Variants in CNBD1 observed in about 807,000 individuals in gnomAD.
CNBD1 encodes the protein cyclic nucleotide-binding domain-containing protein 1.
Under a neutral mutation model 54.4 loss-of-function variants are expected in CNBD1, and 71 were observed. The ratio of observed to expected loss-of-function variants is 1.30; its 90% CI spans 1.08 to 1.59. The LOEUF (loss-of-function observed/expected upper bound fraction) is 1.59. Ranked by LOEUF, CNBD1 falls within the 40% of genes most tolerant of loss-of-function variation. The pLI, the probability that CNBD1 is intolerant of heterozygous loss-of-function variation, is 0.00. For missense variants in CNBD1, 659 were observed against 518.0 expected, an observed-to-expected ratio of 1.27 and a Z score of -2.64; for synonymous variants, 182 against 170.7, an observed-to-expected ratio of 1.07 and a Z score of -0.51.
At chr8:87,340,533 C>A (rs1403779653) in intron 8 of CNBD1, among the ~76,000 whole-genome samples, 1 of 152,134 alleles carries the variant, frequency 6.6e-6, no homozygotes, top group African/African-American at 2.4e-5. Flanking sequence ...TCTCATAATG[C>A]ACATGTTGGT....
intron 10 of CNBD1, among the ~76,000 whole-genome samples, chr8:87,373,035 G>T (rs962312342): frequency 1.3e-5 from 2 of 151,630 alleles, no homozygotes; most frequent in African/African-American, 2.4e-5. Context: ...TATTATAGTA[G>T]TTAGATTATA....
intron 10 of CNBD1, among the ~76,000 whole-genome samples, chr8:87,378,082 A>C (rs1256886424): frequency 1.4e-5 from 2 of 141,942 alleles, no homozygotes; most frequent in Admixed American, 7.2e-5. Flanking sequence ...GGTTGCGAAA[A>C]TTTTCTCCCA....
intron 8 of CNBD1, among the ~76,000 whole-genome samples, chr8:87,339,812 T>G (rs1810028499): frequency 6.6e-6 from 1 of 151,708 alleles, no homozygotes; most frequent in Non-Finnish European, 1.5e-5. Flanking sequence ...CTCTTCTCCC[T>G]TCTCACATTT....
At chr8:87,172,185 G>T (rs1163946805) in intron 4 of CNBD1, among the ~76,000 whole-genome samples, 2 of 151,736 alleles carry the variant, frequency 1.3e-5, no homozygotes, top group Non-Finnish European at 2.9e-5. Context: ...ATAATAATAA[G>T]AATTCTTCTT....
At chr8:87,404,575 A>T (rs1374789879) in intron 2 of CNBD1, among the ~76,000 whole-genome samples, 1 of 152,076 alleles carries the variant, frequency 6.6e-6, no homozygotes, top group East Asian at 1.9e-4. Context: ...TGGTCAAATT[A>T]GTGCTAAATT....
At chr8:87,052,188 T>C (rs947479746) in intron 4 of CNBD1, among the ~76,000 whole-genome samples, 6 of 152,218 alleles carry the variant, frequency 3.9e-5, no homozygotes, top group African/African-American at 1.4e-4. Flanking sequence ...GGCCTCTTCC[T>C]GGTCCCTGTT....
rs750707982 is a variant in CNBD1 at position 87,351,771 on chromosome 8, G to C, written c.1129G>C (p.Val377Leu). The C allele has an allele frequency of 6.6e-7, 1 of 1,510,046 alleles. No homozygotes were observed. The highest frequency in any genetic ancestry group is 8.8e-7 in the Non-Finnish European group (1 of 1,134,524). 93.5% of individuals were successfully genotyped at this position (1,510,046 alleles called of 1,614,324 possible). ...CNIYRSIIGFVKLRSNKVKRS... is the reference protein window; with the variant it reads ...CNIYRSIIGFLKLRSNKVKRS... ...CATTTATAGAAGTATTATAGGATTT[G>C]TGAAACTACGATCAAATAAAGTGGT... Residue 377 changes from valine (V) to leucine (L), a missense_variant, in exon 9 of 11, where the codon GTG (valine) becomes CTG (leucine). By Grantham distance (32) the Val-to-Leu change is conservative. Coordinates refer to ENST00000518476, the MANE Select transcript of CNBD1 (RefSeq NM_173538.3).
chr8:87,277,244 T>C (rs1407153093), intron 6 of CNBD1, among the ~76,000 whole-genome samples: 1 of 151,696 alleles, frequency 6.6e-6, no homozygotes, highest in African/African-American at 2.4e-5. Flanking sequence ...GTACCTGTTC[T>C]CAAGCTGTCA....
At chr8:87,087,247 G>GTA (rs35466004) in intron 4 of CNBD1, among the ~76,000 whole-genome samples, 1,531 of 132,130 alleles carry the variant, frequency 0.012, 10 homozygotes, top group Middle Eastern at 0.038. Flanking sequence ...ATATATATAC[G>GTA]TATATATATA....
chr8:87,393,211 G>T (rs549858373), intron 2 of CNBD1, among the ~76,000 whole-genome samples: 1 of 151,948 alleles, frequency 6.6e-6, no homozygotes, highest in South Asian at 2.1e-4. Context: ...GAGCAGGGAG[G>T]CAGTAGTCCC....
intron 8 of CNBD1, among the ~76,000 whole-genome samples, chr8:87,304,186 C>T (rs1057208095): frequency 7.9e-5 from 12 of 151,780 alleles, no homozygotes; most frequent in African/African-American, 1.2e-4. Context: ...CACATGCACA[C>T]GTATGTTTAT....
At chr8:86,966,628 C>T (rs1808081473) in intron 4 of CNBD1, among the ~76,000 whole-genome samples, 1 of 152,084 alleles carries the variant, frequency 6.6e-6, no homozygotes, top group Non-Finnish European at 1.5e-5. Context: ...AAGCTGCAGA[C>T]CTTTGCGGTG....
At chr8:87,001,011 G>A (rs1808979064) in intron 4 of CNBD1, among the ~76,000 whole-genome samples, 1 of 151,778 alleles carries the variant, frequency 6.6e-6, no homozygotes, top group Non-Finnish European at 1.5e-5. Flanking sequence ...TTTTATCTTT[G>A]AATATTTTTC....
intron 10 of CNBD1, among the ~76,000 whole-genome samples, chr8:87,380,491 G>T (rs1811051937): frequency 6.6e-6 from 1 of 151,770 alleles, no homozygotes; most frequent in South Asian, 2.1e-4. Flanking sequence ...GATTGATTTG[G>T]TTATGTGTAA....
intron 2 of CNBD1, among the ~76,000 whole-genome samples, chr8:87,416,668 A>G (rs900838622): frequency 2.0e-5 from 3 of 152,052 alleles, no homozygotes; most frequent in Non-Finnish European, 4.4e-5. Flanking sequence ...TCCACCCAGT[A>G]CAAAGCCTTT....
chr8:87,230,183 A>T (rs916722456), intron 5 of CNBD1, among the ~76,000 whole-genome samples: 1 of 152,138 alleles, frequency 6.6e-6, no homozygotes, highest in Non-Finnish European at 1.5e-5. Context: ...CTATCACTAG[A>T]ACAGCATCGA....
At chr8:87,245,181 A>G (rs1009340291) in intron 6 of CNBD1, among the ~76,000 whole-genome samples, 1 of 152,044 alleles carries the variant, frequency 6.6e-6, no homozygotes, top group Non-Finnish European at 1.5e-5. Flanking sequence ...TTTCATCAAG[A>G]GTTAAAATGT....
At chr8:87,080,737 A>G (rs187237661) in intron 4 of CNBD1, among the ~76,000 whole-genome samples, 38 of 152,290 alleles carry the variant, frequency 2.5e-4, no homozygotes, top group Admixed American at 2.1e-3. Flanking sequence ...ATTTATCTTA[A>G]TAGATATTGG....
chr8:87,364,532 T>G (rs1449956702), intron 10 of CNBD1, among the ~76,000 whole-genome samples: 1 of 151,944 alleles, frequency 6.6e-6, no homozygotes, highest in East Asian at 1.9e-4. Flanking sequence ...ATGTGCAAGT[T>G]TGTTATATAG....
Sources: allele counts gnomAD v4.1 joint callset (sites outside exome capture counted in the v4.1 genomes callset), GRCh38; gene constraint gnomAD v4.1.1; transcripts MANE v1.5; gene names NCBI Gene and HGNC (gene_info 2026-07-23, HGNC 2026-07-21).